The following MAPKAP1 variants were observed in gnomAD, a reference collection of about 807,000 sequenced individuals.
MAPKAP1 encodes the protein target of rapamycin complex 2 subunit MAPKAP1.
Under a neutral mutation model 65.7 loss-of-function variants are expected in MAPKAP1, and 20 were observed. The ratio of observed to expected loss-of-function variants is 0.30; its 90% CI spans 0.21 to 0.44. The LOEUF (loss-of-function observed/expected upper bound fraction) is 0.44, where lower values mean the gene tolerates loss of function less well. MAPKAP1 is among the 20% of genes least tolerant of loss of function. The pLI is 1.00. For synonymous variants in MAPKAP1, 222 were observed against 244.3 expected (o/e 0.91, Z 0.85); for missense variants, 423 against 648.0 (o/e 0.65, Z 3.77).
At chr9:125,681,005 C>G (rs1486212026) in intron 1 of MAPKAP1, among the ~76,000 whole-genome samples, 3 of 152,322 alleles carry the variant, frequency 2.0e-5, no homozygotes, top group Admixed American at 6.5e-5. Context: ...AATCACTTTT[C>G]ATGTAACAAC....
intron 7 of MAPKAP1, among the ~76,000 whole-genome samples, chr9:125,533,419 T>G (rs897861851): frequency 1.3e-5 from 2 of 152,100 alleles, no homozygotes; most frequent in South Asian, 2.1e-4. Flanking sequence ...CATTCTCACA[T>G]ACTCTTGGAA....
At chr9:125,461,962 T>C (rs771281442) in intron 10 of MAPKAP1, among the ~76,000 whole-genome samples, 4 of 152,176 alleles carry the variant, frequency 2.6e-5, no homozygotes, top group Non-Finnish European at 5.9e-5. Flanking sequence ...CTTGGGGCTG[T>C]AGCTCTTTCA....
At chr9:125,551,046 A>C (rs1396551132) in intron 6 of MAPKAP1, among the ~76,000 whole-genome samples, 2 of 152,208 alleles carry the variant, frequency 1.3e-5, no homozygotes, top group Non-Finnish European at 2.9e-5. Context: ...ATTGCGTATA[A>C]GAAACTTTAC....
chr9:125,692,200 G>A (rs756153431), intron 1 of MAPKAP1, among the ~76,000 whole-genome samples: 9 of 152,132 alleles, frequency 5.9e-5, no homozygotes, highest in Non-Finnish European at 1.3e-4. Context: ...ATGTTCACAC[G>A]AAAATTTGTA....
intron 1 of MAPKAP1, among the ~76,000 whole-genome samples, chr9:125,698,323 ATATATATATAT>A (rs1835487835): frequency 2.0e-5 from 2 of 101,242 alleles, no homozygotes; most frequent in Non-Finnish European, 3.8e-5. Context: ...ATATATATAT[ATATATATATAT>A]ATAAAATATA....
chr9:125,679,662 A>C (rs1247281673), intron 1 of MAPKAP1, among the ~76,000 whole-genome samples: 1 of 152,210 alleles, frequency 6.6e-6, no homozygotes, highest in African/African-American at 2.4e-5. Context: ...CTATACCTGA[A>C]ATACTCTATT....
intron 7 of MAPKAP1, among the ~76,000 whole-genome samples, chr9:125,539,931 A>T (rs1830191334): frequency 6.6e-6 from 1 of 152,232 alleles, no homozygotes; most frequent in Non-Finnish European, 1.5e-5. Context: ...CTTAGCAGAG[A>T]ATTGACTGAA....
intron 3 of MAPKAP1, among the ~76,000 whole-genome samples, chr9:125,664,380 C>A (rs1307710510): frequency 6.6e-6 from 1 of 150,576 alleles, no homozygotes; most frequent in Non-Finnish European, 1.5e-5. Flanking sequence ...AATAAAATAA[C>A]AGATTTATTT....
At chr9:125,704,228 C>G (rs185807302) in intron 1 of MAPKAP1, among the ~76,000 whole-genome samples, 13 of 152,326 alleles carry the variant, frequency 8.5e-5, no homozygotes, top group African/African-American at 2.6e-4. Context: ...TCTTACAGCT[C>G]TACCAGCAGC....
intron 10 of MAPKAP1, among the ~76,000 whole-genome samples, chr9:125,459,854 G>GGGGAAAGGGAGAGGGAGA (rs1853407975): frequency 7.9e-6 from 1 of 127,356 alleles, no homozygotes; most frequent in African/African-American, 3.0e-5. Context: ...GGGAGACCGT[G>GGGGAAAGGGAGAGGGAGA]GGGAGAGGGA....
chr9:125,689,436 GAAA>G (rs911746619), intron 1 of MAPKAP1, among the ~76,000 whole-genome samples: 6 of 15,270 alleles, frequency 3.9e-4, no homozygotes, highest in Admixed American at 2.4e-3. Context: ...CTCCATCTCG[GAAA>G]AAAAAAAAAA....
At chr9:125,472,132 G>A (rs1853947294) in intron 9 of MAPKAP1, among the ~76,000 whole-genome samples, 2 of 152,222 alleles carry the variant, frequency 1.3e-5, no homozygotes, top group South Asian at 4.1e-4. Context: ...GTTCCAGAAT[G>A]TGTCCCCTCA....
At chr9:125,578,069 T>C (rs1831501510) in intron 5 of MAPKAP1, among the ~76,000 whole-genome samples, 1 of 151,990 alleles carries the variant, frequency 6.6e-6, no homozygotes, top group Non-Finnish European at 1.5e-5. Flanking sequence ...GGGAGACTTT[T>C]CATTTTGTTC....
chr9:125,544,072 G>A (rs1047665676), intron 6 of MAPKAP1, among the ~76,000 whole-genome samples: 1 of 151,938 alleles, frequency 6.6e-6, no homozygotes, highest in African/African-American at 2.4e-5. Context: ...GTGCAGTGGC[G>A]CAATCTCGGC....
chr9:125,560,437 A>G (rs564609626), intron 5 of MAPKAP1, among the ~76,000 whole-genome samples: 2 of 152,216 alleles, frequency 1.3e-5, no homozygotes, highest in South Asian at 4.2e-4. Flanking sequence ...TACAAAAATT[A>G]GCCAGACATG....
chr9:125,647,936 T>C (rs1194880437), intron 4 of MAPKAP1, among the ~76,000 whole-genome samples: 14 of 35,636 alleles, frequency 3.9e-4, no homozygotes, highest in Non-Finnish European at 9.2e-4. Context: ...CCCAATATCT[T>C]TTTTTTTTTT....
intron 7 of MAPKAP1, among the ~76,000 whole-genome samples, chr9:125,515,354 A>T (rs1829429266): frequency 6.6e-6 from 1 of 152,202 alleles, no homozygotes; most frequent in African/African-American, 2.4e-5. Context: ...CAACACTAGA[A>T]AAAGGCCCAT....
chr9:125,577,808 T>TG (rs1171972310), intron 5 of MAPKAP1, among the ~76,000 whole-genome samples: 133 of 120,650 alleles, frequency 1.1e-3, no homozygotes, highest in Middle Eastern at 4.9e-3. Flanking sequence ...GGAGGGAGGA[T>TG]GGGGGGTCAG....
At chr9:125,500,521 T>A (rs1828944447) in intron 8 of MAPKAP1, among the ~76,000 whole-genome samples, 1 of 152,184 alleles carries the variant, frequency 6.6e-6, no homozygotes, top group Non-Finnish European at 1.5e-5. Context: ...AAGGGAGGAA[T>A]ACAAATGTGT....
Sources: allele counts gnomAD v4.1 joint callset (sites outside exome capture counted in the v4.1 genomes callset), GRCh38; gene constraint gnomAD v4.1.1; transcripts MANE v1.5; gene names NCBI Gene and HGNC (gene_info 2026-07-23, HGNC 2026-07-21).